The following RASSF3 variants were observed in gnomAD, a reference collection of about 807,000 sequenced individuals.
RASSF3 encodes Ras association domain family member 3.
RASSF3 carries 19 observed loss-of-function variants against 19.9 expected under a neutral mutation model. That is an observed-to-expected ratio of 0.96 (90% CI 0.67 to 1.40). RASSF3 has a LOEUF of 1.40. RASSF3 is among the 40% of genes most tolerant of loss of function. RASSF3 has a pLI of 0.00. For synonymous variants in RASSF3, 110 were observed against 104.2 expected (o/e 1.06, Z -0.34); for missense variants, 306 against 289.8 (o/e 1.06, Z -0.41).
At chr12:64,595,284 T>G (rs1869982187) in intron 2 of RASSF3, among the ~76,000 whole-genome samples, 1 of 152,020 alleles carries the variant, frequency 6.6e-6, no homozygotes, top group Admixed American at 6.6e-5. Context: ...GCCAGGCTGG[T>G]CTCGAAGTCC....
intron 1 of RASSF3, among the ~76,000 whole-genome samples, chr12:64,639,270 A>G (rs1266919578): frequency 1.3e-5 from 2 of 152,168 alleles, no homozygotes; most frequent in African/African-American, 4.8e-5. Context: ...GTAAAGTTCC[A>G]TCTAATTTAA....
intron 2 of RASSF3, among the ~76,000 whole-genome samples, chr12:64,596,633 C>T (rs1188730491): frequency 1.3e-5 from 2 of 152,172 alleles, no homozygotes; most frequent in African/African-American, 2.4e-5. Context: ...CAGCCCTCCA[C>T]CCTCACCCCA....
intron 1 of RASSF3, among the ~76,000 whole-genome samples, chr12:64,508,391 C>T (rs1868304769): frequency 6.6e-6 from 1 of 151,576 alleles, no homozygotes; most frequent in Admixed American, 6.6e-5. Context: ...GTGGCTGGTG[C>T]CTGTAATCCC....
intron 2 of RASSF3, among the ~76,000 whole-genome samples, chr12:64,580,206 T>A (rs1453613308): frequency 6.6e-6 from 1 of 152,144 alleles, no homozygotes; most frequent in Non-Finnish European, 1.5e-5. Flanking sequence ...CAAGGGTATT[T>A]CTGGTATATT....
At position 64,696,857 on chromosome 12, in the gene RASSF3, C is replaced by G. The variant is rs560501942; in HGVS notation, c.*1945C>G. ...GTTTTAGTGACATTGTCATCCAACA[C>G]TTTACCTTTATTGTTCAGGGAATGC... On this transcript the variant is annotated 3_prime_UTR_variant, in exon 5 of 5. Transcript: ENST00000542104. 1 of 152,150 alleles carries G rather than the reference C, an allele frequency of 6.6e-6. No individual in the cohort carries two copies. The highest frequency in any genetic ancestry group is 6.6e-5 in the Admixed American group (1 of 15,264). 9.4% of individuals were successfully genotyped at this position (152,150 alleles called of 1,614,324 possible).
chr12:64,528,135 T>C (rs759407343), intron 1 of RASSF3, among the ~76,000 whole-genome samples: 6 of 152,056 alleles, frequency 3.9e-5, no homozygotes, highest in Non-Finnish European at 7.4e-5. Flanking sequence ...TAGTGGGGCA[T>C]GGTGGTGCAC....
intron 2 of RASSF3, among the ~76,000 whole-genome samples, chr12:64,591,451 C>T (rs574281552): frequency 2.2e-3 from 330 of 148,730 alleles, no homozygotes; most frequent in Middle Eastern, 6.8e-3. Context: ...ACTCCAGGCC[C>T]GGGCCACAGC....
rs565249910 is a variant in RASSF3, at chr12:64,649,273, A to G, written c.112-35514A>G. Among the ~76,000 whole-genome samples, 555 of 151,624 alleles carry G rather than the reference A, an allele frequency of 3.7e-3. 2 individuals carry two copies. The highest frequency in any genetic ancestry group is 0.013 in the African/African-American group (533 of 41,298). On this transcript the variant is annotated intron_variant, in intron 1 of 4. Coordinates refer to ENST00000542104, the MANE Select transcript of RASSF3 (RefSeq NM_178169.4). ...AGTGGCGCGATCTCGGCTCACTGCA[A>G]GCTCCGCCTCCCGGGTTCACTCCAT...
At chr12:64,573,133 A>T (rs1869546302) in intron 2 of RASSF3, among the ~76,000 whole-genome samples, 1 of 152,118 alleles carries the variant, frequency 6.6e-6, no homozygotes, top group African/African-American at 2.4e-5. Context: ...TGGGAGGATC[A>T]CTTGAGACCA....
chr12:64,541,105 C>G lies in RASSF3; in HGVS notation c.68-476C>G, dbSNP rs1467048618. ...GGTTCAAGGGATTCTCCTGCCTCAG[C>G]CTCCCAAGTAGCTGGGACTATAGGC... is the stretch of plus-strand genomic sequence containing the variant. On this transcript the variant is annotated intron_variant, in intron 1 of 1. Coordinates refer to the RASSF3 transcript ENST00000636333. 2.0e-5 allele frequency among the ~76,000 whole-genome samples: 3 copies of G among 151,254 alleles called. No homozygotes were observed. The East Asian group carries it at 5.9e-4, about 30-fold the overall frequency.
At chr12:64,507,668 G>A (rs1166708313) in intron 1 of RASSF3, among the ~76,000 whole-genome samples, 1 of 152,102 alleles carries the variant, frequency 6.6e-6, no homozygotes, top group Non-Finnish European at 1.5e-5. Flanking sequence ...CTCTTAACTT[G>A]TCTTAGTACT....
At position 64,694,815 on chromosome 12, in the gene RASSF3, A is replaced by G. The variant is rs781231498; in HGVS notation, c.620A>G (p.Lys207Arg). 1.9e-6 allele frequency: 3 copies of G among 1,614,214 alleles called. No individual in the cohort carries two copies. In the Admixed American group the frequency reaches 5.0e-5, roughly 27 times the overall value. The change falls in exon 5 of 5, where the codon AAG (lysine) becomes AGG (arginine). Residue 207 changes from lysine (K) to arginine (R), a missense_variant. Transcript: ENST00000542104. ...CAGAATTTCTTGCGCATCTTGGACA[A>G]GGAAGAAGATGAACAGCTGCAGAAC... is the stretch of plus-strand genomic sequence containing the variant. ...ELQNFLRILD[K>R]EEDEQLQNLK...
In RASSF3 at chr12:64,694,881, A is replaced by G; in HGVS notation, c.686A>G (p.Glu229Gly). 9.3e-6 allele frequency: 15 copies of G among 1,614,234 alleles called. No homozygotes were observed. Among genetic ancestry groups the G allele is most frequent in the Non-Finnish European group, 1.1e-5 (13 of 1,180,036 alleles). ...RYTAYRQKLE[E>G]ALREVWKPD ...ACAGCCTACAGGCAGAAGCTGGAAGAAGCCCTCCGTGAGGTGTGGAAGCCT... is the reference window on the plus strand; with the variant it reads ...ACAGCCTACAGGCAGAAGCTGGAAGGAGCCCTCCGTGAGGTGTGGAAGCCT... Residue 229 changes from glutamate to glycine, a missense_variant, in exon 5 of 5, where the codon GAA becomes GGA. Transcript: ENST00000542104.
intron 1 of RASSF3, among the ~76,000 whole-genome samples, chr12:64,644,596 C>T (rs185121414): frequency 4.6e-4 from 70 of 152,124 alleles, no homozygotes; most frequent in Non-Finnish European, 9.4e-4. Context: ...ACCCGGGAGG[C>T]TAAGGTGGGA....
intron 1 of RASSF3, among the ~76,000 whole-genome samples, chr12:64,537,676 A>G (rs888567759): frequency 3.9e-5 from 6 of 152,180 alleles, no homozygotes; most frequent in Non-Finnish European, 8.8e-5. Flanking sequence ...CCAGAACTCA[A>G]TCAGTGTCTT....
chr12:64,660,982 G>GAACA (rs1872334924), intron 1 of RASSF3, among the ~76,000 whole-genome samples: 2 of 152,080 alleles, frequency 1.3e-5, no homozygotes, highest in Admixed American at 1.3e-4. Context: ...TAATATAATA[G>GAACA]AACACCCCTT....
At chr12:64,512,983 T>C (rs779035433) in intron 1 of RASSF3, among the ~76,000 whole-genome samples, 2 of 152,154 alleles carry the variant, frequency 1.3e-5, no homozygotes, top group Non-Finnish European at 1.5e-5. Context: ...AGTGAAGCTG[T>C]CCCAACTGCT....
chr12:64,606,272 T>C (rs1870191628), upstream of RASSF3, among the ~76,000 whole-genome samples: 1 of 152,160 alleles, frequency 6.6e-6, no homozygotes. Flanking sequence ...GCCTTACCCC[T>C]GTGAGCTGAG....
intron 2 of RASSF3, among the ~76,000 whole-genome samples, chr12:64,596,331 A>T (rs1869998717): frequency 6.6e-6 from 1 of 152,212 alleles, no homozygotes; most frequent in Non-Finnish European, 1.5e-5. Context: ...GCAAACCTTC[A>T]GAGGGACAAG....
Sources: gnomAD v4.1 joint callset for allele counts (sites outside exome capture counted in the v4.1 genomes callset) on GRCh38, gnomAD v4.1.1 for gene constraint, MANE v1.5 for transcripts, NCBI Gene and HGNC (gene_info 2026-07-23, HGNC 2026-07-21) for gene names.